The following PPARGC1A variants were observed in gnomAD, a reference collection of about 807,000 sequenced individuals.
PPARGC1A encodes PPARG coactivator 1 alpha.
A neutral mutation model predicts 88.7 loss-of-function variants in PPARGC1A; 25 were observed. That is an observed-to-expected ratio of 0.28 (90% CI 0.21 to 0.39). The LOEUF (loss-of-function observed/expected upper bound fraction) is 0.39, where lower values mean the gene tolerates loss of function less well. Ranked by LOEUF, PPARGC1A falls within the 10% of genes least tolerant of loss-of-function variation. The pLI is 1.00. For missense variants in PPARGC1A, 880 were observed against 968.7 expected (o/e 0.91, Z 1.22); for synonymous variants, 363 against 355.6 (o/e 1.02, Z -0.24).
chr4:23,967,580 T>C, the PPARGC1A span, among the ~76,000 whole-genome samples: 1 of 152,106 alleles, frequency 6.6e-6, no homozygotes, highest in African/African-American at 2.4e-5. Context: ...TTAGTGTGTA[T>C]AGGGAAGGGA....
At chr4:24,136,367 G>T in the PPARGC1A span, among the ~76,000 whole-genome samples, 1 of 152,168 alleles carries the variant, frequency 6.6e-6, no homozygotes, top group Non-Finnish European at 1.5e-5. Flanking sequence ...ATGGAAAGAC[G>T]TAGAGTTACA....
At chr4:24,368,950 A>G in the PPARGC1A span, among the ~76,000 whole-genome samples, 3 of 152,128 alleles carry the variant, frequency 2.0e-5, no homozygotes, top group African/African-American at 7.2e-5. Flanking sequence ...GTCTCCTGAC[A>G]ATGGAATGGA....
chr4:24,066,608 G>A, the PPARGC1A span, among the ~76,000 whole-genome samples: 1 of 152,102 alleles, frequency 6.6e-6, no homozygotes, highest in Non-Finnish European at 1.5e-5. Flanking sequence ...GAGCTAATGG[G>A]AGCTACAGAA....
At chr4:24,467,050 A>AAGAG in the PPARGC1A span, among the ~76,000 whole-genome samples, 1 of 120,094 alleles carries the variant, frequency 8.3e-6, no homozygotes, top group African/African-American at 3.1e-5. Context: ...GAGAGAGAGA[A>AAGAG]AAAGAAAGAA....
chr4:23,901,206 A>G (rs758723772), upstream of PPARGC1A, among the ~76,000 whole-genome samples: 1 of 151,994 alleles, frequency 6.6e-6, no homozygotes, highest in Non-Finnish European at 1.5e-5. Context: ...TCTCTACTAA[A>G]AGAAATATAA....
At chr4:23,866,760 T>C (rs1712087647) in intron 2 of PPARGC1A, among the ~76,000 whole-genome samples, 1 of 152,194 alleles carries the variant, frequency 6.6e-6, no homozygotes, top group Non-Finnish European at 1.5e-5. Flanking sequence ...TTTTGGGTCA[T>C]TTCAGAGCTT....
At chr4:24,361,709 G>T in the PPARGC1A span, among the ~76,000 whole-genome samples, 2 of 152,316 alleles carry the variant, frequency 1.3e-5, no homozygotes, top group East Asian at 3.9e-4. Context: ...GAAGACCAGA[G>T]AAATTTATAT....
the PPARGC1A span, among the ~76,000 whole-genome samples, chr4:24,463,354 A>C: frequency 2.0e-5 from 3 of 152,222 alleles, no homozygotes; most frequent in Non-Finnish European, 4.4e-5. Context: ...GGATTTGTTA[A>C]TGTAAGCATA....
the PPARGC1A span, among the ~76,000 whole-genome samples, chr4:24,470,583 C>T: frequency 6.6e-6 from 1 of 152,070 alleles, no homozygotes; most frequent in Non-Finnish European, 1.5e-5. The surrounding 1 kb of genome is among the most constrained non-coding windows in gnomAD (Gnocchi z 5.8). Flanking sequence ...GTAGCTCCTG[C>T]AAGTTTCTAC....
the PPARGC1A span, among the ~76,000 whole-genome samples, chr4:24,022,174 C>T: frequency 4.6e-5 from 7 of 152,132 alleles, no homozygotes; most frequent in Admixed American, 2.0e-4. Context: ...GCACAGCAAG[C>T]TCTCTTTTGC....
chr4:24,454,957 C>T, the PPARGC1A span, among the ~76,000 whole-genome samples: 28,147 of 151,582 alleles, frequency 0.19, 3,375 homozygotes, highest in Non-Finnish European at 0.25. Context: ...TAGGACCCCA[C>T]GAACATCAAC....
the PPARGC1A span, among the ~76,000 whole-genome samples, chr4:24,227,324 C>T: frequency 6.6e-6 from 1 of 152,100 alleles, no homozygotes; most frequent in South Asian, 2.1e-4. Context: ...TGAGCTCAGG[C>T]AATTTGCCTG....
chr4:24,326,186 G>A, the PPARGC1A span, among the ~76,000 whole-genome samples: 15 of 151,746 alleles, frequency 9.9e-5, no homozygotes, highest in Non-Finnish European at 1.2e-4. Flanking sequence ...CCCTTACCCC[G>A]CTGAATGCCA....
the PPARGC1A span, among the ~76,000 whole-genome samples, chr4:24,274,693 A>T: frequency 1.3e-5 from 2 of 152,220 alleles, no homozygotes; most frequent in African/African-American, 4.8e-5. Flanking sequence ...CTTATCTGCC[A>T]TAACTTGCCA....
the PPARGC1A span, among the ~76,000 whole-genome samples, chr4:24,122,193 C>T: frequency 2.0e-5 from 3 of 152,074 alleles, no homozygotes; most frequent in South Asian, 6.2e-4. Context: ...AGGCTCTTTT[C>T]TGCTGTGTCT....
chr4:24,179,480 TTCTC>T, the PPARGC1A span, among the ~76,000 whole-genome samples: 2 of 151,456 alleles, frequency 1.3e-5, no homozygotes, highest in Non-Finnish European at 2.9e-5. Context: ...CTCTTCCATG[TTCTC>T]TCTCTCTCTC....
At chr4:23,809,977 G>A (rs1387650111) in intron 10 of PPARGC1A, among the ~76,000 whole-genome samples, 1 of 152,140 alleles carries the variant, frequency 6.6e-6, no homozygotes, top group Non-Finnish European at 1.5e-5. Context: ...TGTATTGCCT[G>A]TTTGTGTATT....
the PPARGC1A span, among the ~76,000 whole-genome samples, chr4:24,043,460 T>G: frequency 6.6e-6 from 1 of 152,182 alleles, no homozygotes; most frequent in South Asian, 2.1e-4. Context: ...CGTGTTACTG[T>G]GGGTTCCAGG....
At chr4:23,904,739 A>G (rs975804501), upstream of PPARGC1A, among the ~76,000 whole-genome samples, 1 of 152,188 alleles carries the variant, frequency 6.6e-6, no homozygotes, top group African/African-American at 2.4e-5. Flanking sequence ...TGAGTCTGAG[A>G]GCTAAAATCA....
Sources: allele counts gnomAD v4.1 joint callset (sites outside exome capture counted in the v4.1 genomes callset), GRCh38; gene constraint gnomAD v4.1.1; non-coding constraint Gnocchi (gnomAD v3.1); transcripts MANE v1.5; gene names NCBI Gene and HGNC (gene_info 2026-07-23, HGNC 2026-07-21).